The following SI variants were observed in gnomAD, a reference collection of about 807,000 sequenced individuals.
The protein encoded by SI is sucrase-isomaltase, intestinal.
SI carries 235 observed loss-of-function variants against 253.3 expected under a neutral mutation model. The ratio of observed to expected loss-of-function variants is 0.93; its 90% CI spans 0.83 to 1.03. SI has a LOEUF of 1.03. Ranked by LOEUF, SI falls within the 50% of genes least tolerant of loss-of-function variation. The pLI, the probability that SI is intolerant of heterozygous loss-of-function variation, is 0.00. For synonymous variants in SI, 819 were observed against 712.0 expected (o/e 1.15, Z -2.39); for missense variants, 2,442 against 2,211.1 (o/e 1.10, Z -2.09).
Position 164,994,334 on chromosome 3 carries a change from G to A in SI, c.4764C>T (p.Thr1588=), listed in dbSNP as rs1717914006. Residue 1588 remains threonine (T), a synonymous_variant, in exon 41 of 48, where the codon ACC becomes ACT. Coordinates refer to ENST00000264382, the MANE Select transcript of SI (RefSeq NM_001041.4). ...TTTGTGTGTAAAAATAGGGCAATAA[G>A]GTGTATCTAATATTTAGAATATTCC... The part of the protein sequence containing the change: ...MSRNILNIRY[T]LLPYFYTQMH... 6.2e-7 allele frequency: 1 copy of A among 1,610,760 alleles called. No individual in the cohort carries two copies. Among genetic ancestry groups the A allele is most frequent in the East Asian group, 2.2e-5 (1 of 44,690 alleles).
intron 37 of SI, among the ~76,000 whole-genome samples, chr3:164,999,188 AT>A (rs1269370789): frequency 1.3e-5 from 2 of 151,798 alleles, no homozygotes; most frequent in African/African-American, 4.8e-5. Context: ...GAATTGCTCC[AT>A]TTCAAGTGTA....
chr3:165,040,099 G>A, intron 18 of SI, 128 bp from the exon 19 acceptor site: 1 of 754,328 alleles, frequency 1.3e-6, no homozygotes, highest in Non-Finnish European at 2.3e-6. Flanking sequence ...TGTTTCAGAT[G>A]ACATTTTCAA....
intron 3 of SI, among the ~76,000 whole-genome samples, 194 bp from the exon 4 acceptor site, chr3:165,069,389 C>T (rs993585044): frequency 4.0e-5 from 6 of 151,786 alleles, no homozygotes; most frequent in African/African-American, 1.5e-4. Context: ...TTAATTACAC[C>T]CTGTCAGAAA....
chr3:165,059,013 G>T lies in SI; in HGVS notation c.1348C>A (p.Gln450Lys), dbSNP rs760673528. Residue 450 changes from glutamine to lysine, a missense_variant, in exon 12 of 48, where the codon CAA becomes AAA. Coordinates refer to ENST00000264382, the MANE Select transcript of SI (RefSeq NM_001041.4). ...TYATYERGNTQHVWINESDGS... is the reference protein window; with the variant it reads ...TYATYERGNTKHVWINESDGS... ...TCTGACTCATTTATCCACACATGTTGTGTGTTTCCCCTCTCATAGGTTGCA... is the reference window on the plus strand; with the variant it reads ...TCTGACTCATTTATCCACACATGTTTTGTGTTTCCCCTCTCATAGGTTGCA... 7 of 1,611,614 alleles carry T rather than the reference G, an allele frequency of 4.3e-6. No individual in the cohort carries two copies. In the South Asian group the frequency reaches 6.6e-5, roughly 15 times the overall value.
rs377183857 is a variant in SI, at chr3:165,038,075, C to T, written c.2302-51G>A. ...TCTTAATATTATTGAAGACTTTAAA[C>T]TCTATTTCACAAGAATTAAAAGGCA... is the stretch of plus-strand genomic sequence containing the variant. On this transcript the variant is annotated intron_variant, in intron 20 of 47. Coordinates refer to ENST00000264382, the MANE Select transcript of SI (RefSeq NM_001041.4). 49 of 1,490,552 alleles carry T rather than the reference C, an allele frequency of 3.3e-5. No homozygotes were observed. In the African/African-American group the frequency reaches 5.1e-4, roughly 16 times the overall value. 92.3% of individuals were successfully genotyped at this position (1,490,552 alleles called of 1,614,324 possible).
chr3:164,980,290 G>A (rs1216328569), intron 47 of SI, among the ~76,000 whole-genome samples: 1 of 151,836 alleles, frequency 6.6e-6, no homozygotes, highest in African/African-American at 2.4e-5. Context: ...CGTTAGACAG[G>A]TTTAAAACAG....
chr3:165,049,169 A>G lies in SI; in HGVS notation c.1673T>C (p.Val558Ala). Residue 558 changes from valine (V) to alanine (A), a missense_variant, in exon 15 of 48, where the codon GTT (valine) becomes GCT (alanine). By Grantham distance (64) the Val-to-Ala change is moderately conservative. Coordinates refer to ENST00000264382, the MANE Select transcript of SI (RefSeq NM_001041.4). ...CATGCTGTATCCATAGAGGCTATGA[A>G]CATCATACTGTTTACCCCAGTTCTG... ...AVQNWGKQYDVHSLYGYSMAI... is the reference protein window; with the variant it reads ...AVQNWGKQYDAHSLYGYSMAI... 6.2e-7 allele frequency: 1 copy of G among 1,611,856 alleles called. No homozygotes were observed. The highest frequency in any genetic ancestry group is 8.5e-7 in the Non-Finnish European group (1 of 1,178,126).
At chr3:165,036,017 A>G (rs910432368) in intron 22 of SI, among the ~76,000 whole-genome samples, 1 of 151,772 alleles carries the variant, frequency 6.6e-6, no homozygotes, top group African/African-American at 2.4e-5. Flanking sequence ...TGTTGGTTTT[A>G]TTTTCTGTTT....
chr3:165,067,570 A>G, intron 5 of SI, 79 bp from the exon 6 acceptor site: 1 of 1,225,674 alleles, frequency 8.2e-7, no homozygotes, highest in African/African-American at 1.5e-5. Context: ...ATTAAATGCA[A>G]GTTCCAAATA....
chr3:165,056,172 A>T (rs915540269), intron 12 of SI, among the ~76,000 whole-genome samples: 4 of 152,158 alleles, frequency 2.6e-5, no homozygotes, highest in African/African-American at 9.6e-5. Flanking sequence ...TGATCTGTCC[A>T]TAAGGAACAA....
chr3:165,014,068 T>C (rs947930168), intron 33 of SI, among the ~76,000 whole-genome samples: 19 of 152,174 alleles, frequency 1.2e-4, no homozygotes, highest in Admixed American at 3.3e-4. Context: ...TGTTAACATG[T>C]TATATAACAA....
At chr3:165,077,114 C>T (rs1715047187) in intron 1 of SI, among the ~76,000 whole-genome samples, 1 of 151,132 alleles carries the variant, frequency 6.6e-6, no homozygotes, top group African/African-American at 2.4e-5. Flanking sequence ...TCAATAAGTC[C>T]ATCTGACTTT....
At chr3:164,982,526 G>C in intron 46 of SI, 116 bp from the exon 47 acceptor site, 1 of 770,862 alleles carries the variant, frequency 1.3e-6, no homozygotes, top group South Asian at 1.6e-5. Flanking sequence ...TTGTTTATTT[G>C]TGCATTTGAT....
At chr3:165,078,319 A>G (rs1163579944) in intron 1 of SI, 114 bp downstream of exon 1, 1 of 151,982 alleles carries the variant, frequency 6.6e-6, no homozygotes, top group Non-Finnish European at 1.5e-5. Context: ...AATATATGAT[A>G]TTGCTATTTT....
Position 165,033,451 on chromosome 3 carries a change from T to C in SI, c.2516-7A>G. On this transcript the variant is annotated splice_region_variant and splice_polypyrimidine_tract_variant and intron_variant, in intron 22 of 47. Transcript: ENST00000264382. ...TTGCCATTTTGTATTGTATCTGAAATGAAAAATATCGTGATCAGTACAAAA... is the reference window on the plus strand; with the variant it reads ...TTGCCATTTTGTATTGTATCTGAAACGAAAAATATCGTGATCAGTACAAAA... 1 of 1,534,642 alleles carries C rather than the reference T, an allele frequency of 6.5e-7. No homozygotes were observed. Among genetic ancestry groups the C allele is most frequent in the Non-Finnish European group, 8.8e-7 (1 of 1,136,588 alleles).
chr3:165,072,109 A>G (rs556994722), intron 3 of SI, among the ~76,000 whole-genome samples: 10 of 152,250 alleles, frequency 6.6e-5, no homozygotes, highest in Non-Finnish European at 1.2e-4. Flanking sequence ...TTCCAATTTT[A>G]ACAATCATGA....
intron 37 of SI, among the ~76,000 whole-genome samples, chr3:165,004,489 C>T (rs1718407907): frequency 6.6e-6 from 1 of 152,086 alleles, no homozygotes; most frequent in Non-Finnish European, 1.5e-5. Flanking sequence ...GATATCTGCC[C>T]TCCCATGTTT....
chr3:165,086,917 G>C, the SI span, among the ~76,000 whole-genome samples: 1 of 152,154 alleles, frequency 6.6e-6, no homozygotes, highest in Non-Finnish European at 1.5e-5. Flanking sequence ...CTCATGCGTA[G>C]AACTGCAGAC....
chr3:165,075,970 C>CA lies in SI; in HGVS notation c.42dup (p.Val15CysfsTer20). 6.3e-7 allele frequency: 1 copy of CA among 1,590,520 alleles called. No individual in the cohort carries two copies. The highest frequency in any genetic ancestry group is 8.6e-7 in the Non-Finnish European group (1 of 1,162,734). ...ATTATAGTAACTATGACAAAAAGGA[C>CA]AATCAGAGAGATTTCCAATCCACTA... On this transcript the variant is annotated frameshift_variant, in exon 2 of 48. Coordinates refer to ENST00000264382, the MANE Select transcript of SI (RefSeq NM_001041.4). LOFTEE classifies it high-confidence loss of function.
Sources: allele counts gnomAD v4.1 joint callset (sites outside exome capture counted in the v4.1 genomes callset), GRCh38; gene constraint gnomAD v4.1.1; transcripts MANE v1.5; gene names NCBI Gene and HGNC (gene_info 2026-07-23, HGNC 2026-07-21).